The following SPATA6L variants were observed in gnomAD, a reference collection of about 807,000 sequenced individuals.
The protein encoded by SPATA6L is spermatogenesis associated 6 like.
In SPATA6L, 68 loss-of-function variants were observed where a neutral mutation model predicts 49.2. That is an observed-to-expected ratio of 1.38 (90% CI 1.14 to 1.69). SPATA6L has a LOEUF of 1.69. SPATA6L is among the 40% of genes most tolerant of loss of function. SPATA6L has a pLI of 0.00. For synonymous variants in SPATA6L, 198 were observed against 165.7 expected (o/e 1.19, Z -1.50); for missense variants, 668 against 464.3 (o/e 1.44, Z -4.03).
Position 4,644,685 on chromosome 9 carries a change from T to TCTCTCACA in SPATA6L, c.227-9287_227-9286insTGTGAGAG, listed in dbSNP as rs1438618515. Among the ~76,000 whole-genome samples, 1,068 of 107,686 alleles carry TCTCTCACA rather than the reference T, an allele frequency of 9.9e-3. 6 individuals are homozygous for TCTCTCACA. Among genetic ancestry groups the TCTCTCACA allele is most frequent in the Non-Finnish European group, 0.015 (790 of 53,506 alleles). 70.6% of individuals were successfully genotyped at this position (107,686 alleles called of 152,430 possible). ...CTCTCTCTCTCTCTCTCTCTCTCTC[T>TCTCTCACA]CACACACACACACACACACACACAC... On this transcript the variant is annotated intron_variant, in intron 3 of 11. Coordinates refer to ENST00000682582, the MANE Select transcript of SPATA6L (RefSeq NM_001353486.2).
At chr9:4,637,456 C>G (rs1473161221) in intron 3 of SPATA6L, among the ~76,000 whole-genome samples, 1 of 152,186 alleles carries the variant, frequency 6.6e-6, no homozygotes, top group Non-Finnish European at 1.5e-5. Context: ...TCGTGATCTG[C>G]TTCCATCAAG....
At chr9:4,592,296 C>T (rs1414717011) in intron 13 of SPATA6L, among the ~76,000 whole-genome samples, 1 of 129,236 alleles carries the variant, frequency 7.7e-6, no homozygotes, top group Non-Finnish European at 1.6e-5. Context: ...GCCTGGGTGA[C>T]AGAGGGAGAC....
intron 2 of SPATA6L, among the ~76,000 whole-genome samples, chr9:4,660,876 T>C (rs985840932): frequency 6.6e-6 from 1 of 152,190 alleles, no homozygotes; most frequent in Admixed American, 6.5e-5. Context: ...TTCGTGTCCT[T>C]TGTAGGGACA....
At chr9:4,652,286 G>A (rs939463643) in intron 3 of SPATA6L, among the ~76,000 whole-genome samples, 2 of 152,090 alleles carry the variant, frequency 1.3e-5, no homozygotes, top group African/African-American at 4.8e-5. Context: ...GCCGGGTGTG[G>A]TGGTGCATGC....
At chr9:4,657,289 G>T (rs1838501207) in intron 2 of SPATA6L, among the ~76,000 whole-genome samples, 1 of 152,040 alleles carries the variant, frequency 6.6e-6, no homozygotes, top group South Asian at 2.1e-4. Context: ...GGTAAGTGGG[G>T]TTTTTTTGCC....
intron 6 of SPATA6L, among the ~76,000 whole-genome samples, chr9:4,624,378 C>T (rs1829951378): frequency 6.6e-6 from 1 of 152,066 alleles, no homozygotes; most frequent in African/African-American, 2.4e-5. Context: ...TGCTGGTGAC[C>T]CAATGGATAA....
chr9:4,629,819 T>C lies in SPATA6L; in HGVS notation c.352-651A>G, dbSNP rs1262063929. Among the ~76,000 whole-genome samples the C allele has an allele frequency of 8.2e-5, 12 of 145,778 alleles. 1 individual carries two copies. The stretch of plus-strand genomic sequence containing the variant: ...TATATGCCCTATCCTGTTTAATTCT[T>C]ATAATCCTATAGGGTAGGTACAATT... On this transcript the variant is annotated intron_variant, in intron 4 of 11. Coordinates refer to ENST00000682582, the MANE Select transcript of SPATA6L (RefSeq NM_001353486.2).
chr9:4,623,004 G>A (rs1245447204), intron 6 of SPATA6L, among the ~76,000 whole-genome samples: 1 of 152,186 alleles, frequency 6.6e-6, no homozygotes, highest in African/African-American at 2.4e-5. Flanking sequence ...GCTAGGCCGG[G>A]TACAGTGGCT....
At chr9:4,629,559 G>A (rs940334311) in intron 4 of SPATA6L, among the ~76,000 whole-genome samples, 1 of 151,768 alleles carries the variant, frequency 6.6e-6, no homozygotes, top group Non-Finnish European at 1.5e-5. Context: ...CCATGGAATT[G>A]AATGAGATTA....
At chr9:4,634,994 C>A (rs889203715) in intron 4 of SPATA6L, among the ~76,000 whole-genome samples, 5 of 152,166 alleles carry the variant, frequency 3.3e-5, no homozygotes, top group African/African-American at 7.2e-5. Context: ...ACTAAACAAA[C>A]AAATCTTACT....
intron 3 of SPATA6L, among the ~76,000 whole-genome samples, chr9:4,637,467 G>A (rs1033118562): frequency 8.6e-5 from 13 of 152,028 alleles, no homozygotes; most frequent in Non-Finnish European, 1.3e-4. Context: ...TTCCATCAAG[G>A]CTCCATGAAA....
rs1423229018 is a variant in SPATA6L, at chr9:4,662,862, C to A, written c.40-826G>T. 1.9e-6 allele frequency: 3 copies of A among 1,605,278 alleles called. No individual in the cohort carries two copies. The highest frequency in any genetic ancestry group is 2.5e-6 in the Non-Finnish European group (3 of 1,179,976). ...GTGCAGGAGCGACAGCTGGGCCGGG[C>A]GCGAGGTGCTGATGAACCTGCTCTT... On this transcript the variant is annotated intron_variant, in intron 1 of 11. Transcript: ENST00000682582. The surrounding 1 kb of genome is among the most constrained non-coding windows in gnomAD (Gnocchi z 4.9).
At chr9:4,612,534 A>C (rs1203251393) in intron 9 of SPATA6L, among the ~76,000 whole-genome samples, 1 of 152,164 alleles carries the variant, frequency 6.6e-6, no homozygotes, top group African/African-American at 2.4e-5. Flanking sequence ...GTCCTTTCTG[A>C]GCCCTCTCCT....
chr9:4,623,298 A>AAAT (rs1026829561), intron 6 of SPATA6L, among the ~76,000 whole-genome samples: 8 of 151,722 alleles, frequency 5.3e-5, no homozygotes, highest in South Asian at 2.1e-4. Flanking sequence ...TAATAATAAT[A>AAAT]AATAATAATA....
chr9:4,662,428 C>G lies in SPATA6L; in HGVS notation c.40-392G>C. The G allele has an allele frequency of 6.5e-7, 1 of 1,541,928 alleles. No homozygotes were observed. The highest frequency in any genetic ancestry group is 8.7e-7 in the Non-Finnish European group (1 of 1,152,320). The stretch of plus-strand genomic sequence containing the variant: ...GGACGGCCGCTGGGCGTCTCCGCTT[C>G]GAGCAGCAGCAGCAGCCCCGGCAGC... On this transcript the variant is annotated intron_variant, in intron 1 of 11. Coordinates refer to ENST00000682582, the MANE Select transcript of SPATA6L (RefSeq NM_001353486.2). The surrounding 1 kb of genome is among the most constrained non-coding windows in gnomAD (Gnocchi z 4.9).
chr9:4,591,840 C>T lies in SPATA6L; in HGVS notation c.*255-2879G>A, dbSNP rs77630871. On this transcript the variant is annotated intron_variant and NMD_transcript_variant, in intron 13 of 13. Coordinates refer to the SPATA6L transcript ENST00000461761. ...GAAAATGTTTGCTTCTATATCAATC[C>T]AGGCAGACAGTCACCTACCCTATTC... 9.8e-3 allele frequency among the ~76,000 whole-genome samples: 1,491 copies of T among 152,216 alleles called. 23 individuals are homozygous for T. Among genetic ancestry groups the T allele is most frequent in the African/African-American group, 0.034 (1,424 of 41,566 alleles).
At chr9:4,597,412 T>G (rs1180570278), downstream of SPATA6L, among the ~76,000 whole-genome samples, 1 of 150,926 alleles carries the variant, frequency 6.6e-6, no homozygotes, top group Non-Finnish European at 1.5e-5. Flanking sequence ...AATGGATCAC[T>G]CTAAAAGACG....
chr9:4,610,158 A>G (rs1826327597), intron 9 of SPATA6L, among the ~76,000 whole-genome samples: 2 of 152,132 alleles, frequency 1.3e-5, no homozygotes, highest in Admixed American at 1.3e-4. Flanking sequence ...GATACAAACA[A>G]ATGGAAGAAC....
chr9:4,622,552 C>T lies in SPATA6L; in HGVS notation c.670-42G>A, dbSNP rs545743250. 1.4e-5 allele frequency: 18 copies of T among 1,292,438 alleles called. No homozygotes were observed. The African/African-American group carries it at 2.1e-4, about 15-fold the overall frequency. The allele number at this position is 1,292,438 out of a possible 1,614,324, so 80.1% of individuals were successfully genotyped here. On this transcript the variant is annotated intron_variant, in intron 6 of 11. Coordinates refer to ENST00000682582, the MANE Select transcript of SPATA6L (RefSeq NM_001353486.2). ...GAAATAAGACTAGAATCCACTATAGCTTCTAGTACCCTCCCCTCGTTACCG... is the reference window on the plus strand; with the variant it reads ...GAAATAAGACTAGAATCCACTATAGTTTCTAGTACCCTCCCCTCGTTACCG...
Sources: gnomAD v4.1 joint callset for allele counts (sites outside exome capture counted in the v4.1 genomes callset) on GRCh38, gnomAD v4.1.1 for gene constraint, Gnocchi (gnomAD v3.1) non-coding constraint, MANE v1.5 for transcripts, NCBI Gene and HGNC (gene_info 2026-07-23, HGNC 2026-07-21) for gene names.